The following CALN1 variants were observed in gnomAD, a reference collection of about 807,000 sequenced individuals.
CALN1 encodes calcium-binding protein 8.
Under a neutral mutation model 30.6 loss-of-function variants are expected in CALN1, and 17 were observed. The ratio of observed to expected loss-of-function variants is 0.56; its 90% CI spans 0.38 to 0.83. The LOEUF (loss-of-function observed/expected upper bound fraction) is 0.83. Among genes scored for constraint, CALN1 ranks in the 40% least tolerant of loss-of-function variants. The pLI is 0.00. For synonymous variants in CALN1, 156 were observed against 131.4 expected, an observed-to-expected ratio of 1.19 and a Z score of -1.28; for missense variants, 291 against 354.9, an observed-to-expected ratio of 0.82 and a Z score of 1.45.
intron 2 of CALN1, among the ~76,000 whole-genome samples, chr7:72,336,075 G>A (rs969027751): frequency 1.3e-5 from 2 of 152,234 alleles, no homozygotes; most frequent in South Asian, 2.1e-4. Context: ...CAGCCGGACT[G>A]CAGAGGCCTC....
Position 72,418,277 on chromosome 7 carries a change from T to C in CALN1, c.-225-6002A>G, listed in dbSNP as rs567714182. Among the ~76,000 whole-genome samples the C allele has an allele frequency of 3.0e-4, 45 of 152,318 alleles. 1 individual carries two copies. The highest frequency in any genetic ancestry group is 1.1e-3 in the African/African-American group (45 of 41,570). Reference sequence around the variant, plus strand: ...ATAATGGCCTCCAGCTGCATCTATGTTGTTGTAAAGGACATGATCTCATTC... The same window carrying C: ...ATAATGGCCTCCAGCTGCATCTATGCTGTTGTAAAGGACATGATCTCATTC... On this transcript the variant is annotated intron_variant, in intron 1 of 6. Coordinates refer to the CALN1 transcript ENST00000395276.
chr7:72,301,141 T>C (rs1799231091), intron 2 of CALN1, among the ~76,000 whole-genome samples: 1 of 152,114 alleles, frequency 6.6e-6, no homozygotes, highest in South Asian at 2.1e-4. Flanking sequence ...GCTGAAAGCA[T>C]GCAAACTGGA....
intron 3 of CALN1, among the ~76,000 whole-genome samples, chr7:72,222,023 T>G (rs971493011): frequency 6.7e-6 from 1 of 149,454 alleles, no homozygotes; most frequent in African/African-American, 2.5e-5. Flanking sequence ...CTCAGGTGTT[T>G]GAGACCAGCC....
chr7:71,925,787 G>A (rs774917337), intron 5 of CALN1, among the ~76,000 whole-genome samples: 21 of 152,068 alleles, frequency 1.4e-4, no homozygotes, highest in Non-Finnish European at 2.9e-4. Context: ...TCGGTAGAGG[G>A]TGCTGAAGCC....
chr7:71,958,629 C>T (rs867439009), intron 5 of CALN1, among the ~76,000 whole-genome samples: 1 of 152,200 alleles, frequency 6.6e-6, no homozygotes, highest in Non-Finnish European at 1.5e-5. Context: ...ATAAAAACAG[C>T]AAAGTCTGGA....
rs1365160535 is a variant in CALN1, at chr7:71,781,607, A to C, written c.*6168T>G. On this transcript the variant is annotated 3_prime_UTR_variant, in exon 7 of 7. Coordinates refer to ENST00000395275, the MANE Select transcript of CALN1 (RefSeq NM_031468.4). ...AGGTCCAGGGATGGAGCAATATCGCAGTTGCACCTTGCATTCCCTGGAATA... is the reference window on the plus strand; with the variant it reads ...AGGTCCAGGGATGGAGCAATATCGCCGTTGCACCTTGCATTCCCTGGAATA... The C allele has an allele frequency of 2.6e-5, 4 of 152,224 alleles. No homozygotes were observed. The highest frequency in any genetic ancestry group is 5.9e-5 in the Non-Finnish European group (4 of 68,048). 9.4% of individuals were successfully genotyped at this position (152,224 alleles called of 1,614,324 possible). A position where few individuals can be genotyped will look rare whatever the true frequency, so the allele number is the denominator to read the frequency against.
At chr7:72,034,353 CAAAAAA>C (rs34276736) in intron 4 of CALN1, among the ~76,000 whole-genome samples, 2 of 90,406 alleles carry the variant, frequency 2.2e-5, no homozygotes, top group Non-Finnish European at 4.1e-5. Context: ...GACTCTGTCT[CAAAAAA>C]AAAAAAAAAA....
At chr7:71,857,501 C>T (rs1430513776) in intron 5 of CALN1, among the ~76,000 whole-genome samples, 24 of 152,134 alleles carry the variant, frequency 1.6e-4, no homozygotes, top group Admixed American at 1.5e-3. Flanking sequence ...CAAAGGATTG[C>T]TCCTTTAGAA....
At chr7:72,366,859 A>T (rs1170539939) in intron 2 of CALN1, among the ~76,000 whole-genome samples, 1 of 152,198 alleles carries the variant, frequency 6.6e-6, no homozygotes, top group Admixed American at 6.5e-5. Context: ...TGCTCACAAA[A>T]GACATGCACT....
At chr7:72,169,451 C>G (rs1439664909) in intron 3 of CALN1, among the ~76,000 whole-genome samples, 2 of 150,970 alleles carry the variant, frequency 1.3e-5, no homozygotes, top group Non-Finnish European at 2.9e-5. Flanking sequence ...TCCCAAGTAG[C>G]TAGGACTACA....
rs114112396 is a variant in CALN1 at position 72,198,307 on chromosome 7, A to C, written c.244+80379T>G. 1.4e-3 allele frequency among the ~76,000 whole-genome samples: 215 copies of C among 152,316 alleles called. 1 individual carries two copies. The highest frequency in any genetic ancestry group is 4.9e-3 in the African/African-American group (205 of 41,578). Reference sequence around the variant, plus strand: ...CATAAAAAACTATACACCTTCATGTAAAAGACGTTGGCTTCCTCTGCTCTT... The same window carrying C: ...CATAAAAAACTATACACCTTCATGTCAAAGACGTTGGCTTCCTCTGCTCTT... On this transcript the variant is annotated intron_variant, in intron 3 of 6. Transcript: ENST00000395275.
At chr7:72,337,322 G>T (rs1372701443) in intron 2 of CALN1, 1 of 981,730 alleles carries the variant, frequency 1.0e-6, no homozygotes, top group Non-Finnish European at 1.2e-6. Flanking sequence ...GAGGGTCGGG[G>T]AGCCCCCACC....
At chr7:72,370,915 G>C (rs989748226) in intron 2 of CALN1, among the ~76,000 whole-genome samples, 9 of 151,902 alleles carry the variant, frequency 5.9e-5, no homozygotes, top group African/African-American at 1.9e-4. Flanking sequence ...GGTTGTGGTG[G>C]CATGTGCCTG....
At chr7:72,444,593 C>A (rs369545957) in intron 1 of CALN1, among the ~76,000 whole-genome samples, 1 of 152,100 alleles carries the variant, frequency 6.6e-6, no homozygotes, top group Non-Finnish European at 1.5e-5. Flanking sequence ...AGGGAGGAGG[C>A]CATCCCTGCC....
At chr7:72,025,636 T>C (rs1801007278) in intron 4 of CALN1, among the ~76,000 whole-genome samples, 1 of 151,822 alleles carries the variant, frequency 6.6e-6, no homozygotes, top group African/African-American at 2.4e-5. Flanking sequence ...CCTCCAGGAG[T>C]CATCAGTGTA....
intron 5 of CALN1, among the ~76,000 whole-genome samples, chr7:71,971,965 G>GAAAGAAAGAAAA (rs1797847605): frequency 2.7e-5 from 2 of 74,746 alleles, no homozygotes; most frequent in African/African-American, 1.0e-4. Flanking sequence ...AAGAAAGAAA[G>GAAAGAAAGAAAA]AAAGAAAGAA....
chr7:72,355,448 C>T (rs1192130784), intron 2 of CALN1, among the ~76,000 whole-genome samples: 1 of 152,124 alleles, frequency 6.6e-6, no homozygotes, highest in Non-Finnish European at 1.5e-5. Flanking sequence ...ATTGCTTGAA[C>T]CCAGGAGACA....
At chr7:72,399,558 C>T (rs752101885) in intron 2 of CALN1, among the ~76,000 whole-genome samples, 13 of 152,084 alleles carry the variant, frequency 8.5e-5, no homozygotes, top group Non-Finnish European at 1.6e-4. Context: ...CATGAGCCAC[C>T]GTGCCTGACC....
intron 3 of CALN1, among the ~76,000 whole-genome samples, chr7:72,115,645 G>GACCTGGCTAATTTTTGT (rs1807931517): frequency 6.6e-6 from 1 of 151,432 alleles, no homozygotes; most frequent in Non-Finnish European, 1.5e-5. Flanking sequence ...TGTGCCACCA[G>GACCTGGCTAATTTTTGT]ACCTGGCTAA....
Sources: gnomAD v4.1 joint callset for allele counts (sites outside exome capture counted in the v4.1 genomes callset) on GRCh38, gnomAD v4.1.1 for gene constraint, MANE v1.5 for transcripts, NCBI Gene and HGNC (gene_info 2026-07-23, HGNC 2026-07-21) for gene names.